VOPP1: variants seen among roughly 807,000 people sequenced by gnomAD.
VOPP1 encodes WW domain binding protein VOPP1.
In VOPP1, 8 loss-of-function variants were observed where a neutral mutation model predicts 23.5. The observed-to-expected ratio is 0.34, with a 90% CI of 0.20 to 0.61. VOPP1 has a LOEUF of 0.61. Among genes scored for constraint, VOPP1 ranks in the 20% least tolerant of loss-of-function variants. The pLI, the probability that VOPP1 is intolerant of heterozygous loss-of-function variation, is 0.78. For missense variants in VOPP1, 174 were observed against 238.1 expected (o/e 0.73, Z 1.77); for synonymous variants, 83 against 97.3 (o/e 0.85, Z 0.86).
chr7:55,496,477 T>C (rs1793959821), intron 3 of VOPP1, among the ~76,000 whole-genome samples: 1 of 152,244 alleles, frequency 6.6e-6, no homozygotes, highest in South Asian at 2.1e-4. Flanking sequence ...ATGGCACCTC[T>C]GCAGTGTGGG....
At chr7:55,499,279 C>A (rs1331312210) in intron 2 of VOPP1, among the ~76,000 whole-genome samples, 1 of 152,184 alleles carries the variant, frequency 6.6e-6, no homozygotes, top group Non-Finnish European at 1.5e-5. Context: ...ATGGTGAAAC[C>A]CTGTCTCTAC....
intron 3 of VOPP1, among the ~76,000 whole-genome samples, chr7:55,494,260 T>C (rs533480803): frequency 6.6e-6 from 1 of 152,308 alleles, no homozygotes; most frequent in East Asian, 1.9e-4. Flanking sequence ...AGTGACAGTC[T>C]TACACTCAGC....
chr7:55,480,269 T>C (rs1792604921), intron 4 of VOPP1, among the ~76,000 whole-genome samples: 2 of 152,378 alleles, frequency 1.3e-5, no homozygotes, highest in South Asian at 2.1e-4. Flanking sequence ...TTCAAGCTCT[T>C]GCTTGCTTTT....
chr7:55,486,281 T>C (rs1793136181), intron 4 of VOPP1, among the ~76,000 whole-genome samples: 1 of 152,230 alleles, frequency 6.6e-6, no homozygotes, highest in South Asian at 2.1e-4. Flanking sequence ...ATACAGTCTG[T>C]GCAAAGTGTG....
In VOPP1 at chr7:55,492,271, G is replaced by A. The variant is rs536051328; in HGVS notation, c.328+11C>T. ...CTGTGGGGAGGAGAGACAAGGACAG[G>A]GCTGGCTGACCTGGGCCGGGATTTG... is the stretch of plus-strand genomic sequence containing the variant. On this transcript the variant is annotated intron_variant, in intron 4 of 4. Transcript: ENST00000285279. 11 of 1,607,686 alleles carry A rather than the reference G, an allele frequency of 6.8e-6. No homozygotes were observed. In the African/African-American group the frequency reaches 1.5e-4, roughly 21 times the overall value.
At chr7:55,448,269 AAGAAAAC>A (rs1295983363) in intron 4 of VOPP1, among the ~76,000 whole-genome samples, 2 of 152,218 alleles carry the variant, frequency 1.3e-5, no homozygotes, top group African/African-American at 4.8e-5. Context: ...GAATGCAAGC[AAGAAAAC>A]AGATTGGAGA....
At chr7:55,566,820 G>A (rs1798178139) in intron 1 of VOPP1, among the ~76,000 whole-genome samples, 2 of 152,106 alleles carry the variant, frequency 1.3e-5, no homozygotes, top group Admixed American at 1.3e-4. Context: ...CTATGAGGAT[G>A]GTGAGATGAT....
At chr7:55,480,929 A>T (rs1024637477) in intron 4 of VOPP1, among the ~76,000 whole-genome samples, 2 of 152,256 alleles carry the variant, frequency 1.3e-5, no homozygotes, top group Non-Finnish European at 2.9e-5. Flanking sequence ...CAAGGTAAGA[A>T]AAATAGGTTA....
At chr7:55,485,698 G>A (rs563156200) in intron 4 of VOPP1, among the ~76,000 whole-genome samples, 10 of 152,352 alleles carry the variant, frequency 6.6e-5, no homozygotes, top group East Asian at 1.9e-4. Context: ...CACACGGGAC[G>A]TGCACACAGT....
rs1798144072 is a variant in VOPP1 at position 55,565,771 on chromosome 7, ATAAAC to A, written c.54+6495_54+6499del. 3.8e-3 allele frequency among the ~76,000 whole-genome samples: 3 copies of A among 788 alleles called. No homozygotes were observed. In the Admixed American group the frequency reaches 0.047, roughly 12 times the overall value. 0.5% of individuals were successfully genotyped at this position (788 alleles called of 152,430 possible). ...GGTGGAGGTGGGAGGACGCACTAGT[ATAAAC>A]TAGTATAATTTTATCTGCTTAATGA... On this transcript the variant is annotated intron_variant, in intron 1 of 4. Transcript: ENST00000285279.
intron 4 of VOPP1, among the ~76,000 whole-genome samples, chr7:55,462,446 C>G (rs987062037): frequency 1.3e-5 from 2 of 152,134 alleles, no homozygotes; most frequent in Non-Finnish European, 1.5e-5. Context: ...AATAGGTTCT[C>G]TATGCCTTTG....
At chr7:55,529,954 C>T (rs931079025) in intron 1 of VOPP1, among the ~76,000 whole-genome samples, 2 of 152,198 alleles carry the variant, frequency 1.3e-5, no homozygotes, top group Non-Finnish European at 2.9e-5. Context: ...TATCCATTCA[C>T]CAGCCTATGG....
intron 1 of VOPP1, among the ~76,000 whole-genome samples, chr7:55,530,127 G>A (rs1221687543): frequency 2.0e-5 from 3 of 152,022 alleles, no homozygotes; most frequent in Non-Finnish European, 4.4e-5. Flanking sequence ...GGAACTTCCA[G>A]GTCACACAGT....
chr7:55,525,589 C>T (rs117614508), intron 1 of VOPP1, among the ~76,000 whole-genome samples: 1,669 of 152,088 alleles, frequency 0.011, 11 homozygotes, highest in Middle Eastern at 0.02. Context: ...TTTCCTGATC[C>T]CACACCAGCT....
intron 1 of VOPP1, among the ~76,000 whole-genome samples, chr7:55,538,042 G>C (rs750939684): frequency 6.6e-6 from 1 of 152,204 alleles, no homozygotes; most frequent in Non-Finnish European, 1.5e-5. Flanking sequence ...CCTCCAGCCT[G>C]GCCCGACCAC....
chr7:55,458,107 A>G (rs1378937865), intron 4 of VOPP1, among the ~76,000 whole-genome samples: 3 of 152,134 alleles, frequency 2.0e-5, no homozygotes, highest in Admixed American at 2.0e-4. Flanking sequence ...GTGTATGGTG[A>G]GACATTAGGG....
intron 1 of VOPP1, among the ~76,000 whole-genome samples, chr7:55,540,873 G>A (rs1247684544): frequency 6.6e-6 from 1 of 152,036 alleles, no homozygotes; most frequent in Non-Finnish European, 1.5e-5. Context: ...GTCTGAGAAG[G>A]CTTACATAAA....
rs180743210 is a variant in VOPP1, at chr7:55,570,713, G to A, written c.54+1558C>T. ...TCCTAGCACTTTGGGAGGCCGAGGC[G>A]GGCGGATCACCTGAGGTCAGGAGTT... On this transcript the variant is annotated intron_variant, in intron 1 of 4. Transcript: ENST00000285279. Among the ~76,000 whole-genome samples the A allele has an allele frequency of 3.2e-3, 481 of 152,208 alleles. 2 individuals carry two copies. Among genetic ancestry groups the A allele is most frequent in the Middle Eastern group, 0.021 (6 of 292 alleles).
intron 2 of VOPP1, chr7:55,515,957 C>A: frequency 1.0e-6 from 1 of 985,456 alleles, no homozygotes; most frequent in African/African-American, 1.7e-5. Context: ...CATCTCTGGG[C>A]TCCAGGAAGC....
Sources: allele counts gnomAD v4.1 joint callset (sites outside exome capture counted in the v4.1 genomes callset), GRCh38; gene constraint gnomAD v4.1.1; transcripts MANE v1.5; gene names NCBI Gene and HGNC (gene_info 2026-07-23, HGNC 2026-07-21).